The following CSMD1 variants were observed in gnomAD, a reference collection of about 807,000 sequenced individuals.
CSMD1 encodes the protein CUB and sushi domain-containing protein 1.
In CSMD1, 213 loss-of-function variants were observed where a neutral mutation model predicts 417.5. The observed-to-expected ratio is 0.51, with a 90% CI of 0.46 to 0.57. The LOEUF (loss-of-function observed/expected upper bound fraction) is 0.57. Among genes scored for constraint, CSMD1 ranks in the 20% least tolerant of loss-of-function variants. CSMD1 has a pLI of 0.00. For missense variants in CSMD1, 6,923 were observed against 4,529.7 expected, an observed-to-expected ratio of 1.53 and a Z score of -15.17; for synonymous variants, 2,862 against 1,736.8, an observed-to-expected ratio of 1.65 and a Z score of -16.11.
intron 3 of CSMD1, among the ~76,000 whole-genome samples, chr8:4,355,752 GCT>G (rs1305008637): frequency 4.6e-5 from 7 of 152,148 alleles, no homozygotes; most frequent in African/African-American, 9.7e-5. Context: ...CCTGCATGAA[GCT>G]CTGTTTCTCC....
intron 5 of CSMD1, among the ~76,000 whole-genome samples, chr8:3,981,438 C>G (rs192508173): frequency 2.0e-5 from 3 of 148,008 alleles, no homozygotes; most frequent in Admixed American, 1.4e-4. Flanking sequence ...CACAAATCAC[C>G]GCTAAAGAAC....
At chr8:2,938,888 C>T (rs970325093) in intron 69 of CSMD1, 144 bp from the exon 70 acceptor site, 1 of 626,706 alleles carries the variant, frequency 1.6e-6, no homozygotes. Flanking sequence ...TCCACACCTG[C>T]ACACCTGTCA....
intron 1 of CSMD1, 24 bp downstream of exon 1, chr8:4,994,308 C>A: frequency 6.2e-7 from 1 of 1,603,628 alleles, no homozygotes; most frequent in Non-Finnish European, 8.5e-7. Flanking sequence ...ACCGCCTCCC[C>A]GGCCAGGAGC....
At chr8:3,109,502 A>G (rs1332278327) in intron 43 of CSMD1, among the ~76,000 whole-genome samples, 1 of 152,114 alleles carries the variant, frequency 6.6e-6, no homozygotes, top group Non-Finnish European at 1.5e-5. Flanking sequence ...CCACAACCTC[A>G]AAGCCAGTCT....
Position 4,785,478 on chromosome 8 carries a change from A to G in CSMD1, c.86-147920T>C, listed in dbSNP as rs896141833. Among the ~76,000 whole-genome samples, 10 of 152,240 alleles carry G rather than the reference A, an allele frequency of 6.6e-5. 1 individual carries two copies. Among genetic ancestry groups the G allele is most frequent in the Admixed American group, 2.6e-4 (4 of 15,288 alleles). On this transcript the variant is annotated intron_variant, in intron 1 of 69. Coordinates refer to ENST00000635120, the MANE Select transcript of CSMD1 (RefSeq NM_033225.6). Reference sequence around the variant, plus strand: ...AGCCCTTTGCTAAGCTTTGGACCTCAAGACCAGCAGAGACTTAGAAAGCTG... The same window carrying G: ...AGCCCTTTGCTAAGCTTTGGACCTCGAGACCAGCAGAGACTTAGAAAGCTG...
intron 3 of CSMD1, among the ~76,000 whole-genome samples, chr8:4,179,688 G>C (rs1412792081): frequency 6.6e-6 from 1 of 152,022 alleles, no homozygotes; most frequent in African/African-American, 2.4e-5. Flanking sequence ...ATCTGACAAA[G>C]GGCTAATATC....
At chr8:3,285,468 C>G (rs1283719506) in intron 25 of CSMD1, among the ~76,000 whole-genome samples, 4 of 151,596 alleles carry the variant, frequency 2.6e-5, no homozygotes, top group Admixed American at 2.6e-4. Context: ...CTCACTGCAA[C>G]CTCTACTTCC....
chr8:3,359,822 A>G (rs1414595280), intron 20 of CSMD1, among the ~76,000 whole-genome samples: 1 of 152,192 alleles, frequency 6.6e-6, no homozygotes. Context: ...TATGTTTGTC[A>G]CACATTCTAC....
At chr8:4,170,284 T>C (rs1012720468) in intron 3 of CSMD1, among the ~76,000 whole-genome samples, 11 of 151,872 alleles carry the variant, frequency 7.2e-5, no homozygotes, top group African/African-American at 2.7e-4. Context: ...GTAGAGTCTA[T>C]GAATTTAAGC....
intron 3 of CSMD1, among the ~76,000 whole-genome samples, chr8:4,077,378 G>C (rs868403768): frequency 3.1e-4 from 45 of 146,384 alleles, no homozygotes; most frequent in Middle Eastern, 7.6e-3. Context: ...ATCTTTTAAT[G>C]GTTCCTCAGT....
chr8:3,245,941 A>G (rs750212600), intron 26 of CSMD1, among the ~76,000 whole-genome samples: 12 of 152,090 alleles, frequency 7.9e-5, no homozygotes, highest in African/African-American at 2.9e-4. Context: ...CAACAATAAT[A>G]GTGTTTTTAT....
chr8:3,968,270 G>C (rs1812829039), intron 5 of CSMD1, among the ~76,000 whole-genome samples: 1 of 152,000 alleles, frequency 6.6e-6, no homozygotes, highest in South Asian at 2.1e-4. Flanking sequence ...TCCAGGTATA[G>C]GTAGTATGAG....
chr8:4,457,014 A>T (rs1799531721), intron 2 of CSMD1, among the ~76,000 whole-genome samples: 1 of 151,770 alleles, frequency 6.6e-6, no homozygotes, highest in African/African-American at 2.4e-5. Flanking sequence ...AAGAAAAGAA[A>T]ATCAATGTTA....
intron 3 of CSMD1, among the ~76,000 whole-genome samples, chr8:4,345,092 A>G (rs1209192844): frequency 6.6e-5 from 10 of 152,168 alleles, no homozygotes; most frequent in African/African-American, 2.4e-4. Flanking sequence ...AAAGAGGAGA[A>G]ATGATGGGGC....
At chr8:3,220,159 A>AAAAAAAAAG (rs1798117863) in intron 28 of CSMD1, among the ~76,000 whole-genome samples, 1 of 151,928 alleles carries the variant, frequency 6.6e-6, no homozygotes, top group Non-Finnish European at 1.5e-5. Flanking sequence ...TCAAAAAAAA[A>AAAAAAAAAG]AAAAGACTCC....
At chr8:4,298,806 A>G (rs1456537942) in intron 3 of CSMD1, among the ~76,000 whole-genome samples, 1 of 152,098 alleles carries the variant, frequency 6.6e-6, no homozygotes, top group African/African-American at 2.4e-5. Context: ...TTTGTAAAAT[A>G]CATGTACCCT....
intron 3 of CSMD1, among the ~76,000 whole-genome samples, chr8:4,408,277 T>C (rs532773170): frequency 1.3e-5 from 2 of 152,204 alleles, no homozygotes; most frequent in African/African-American, 2.4e-5. Flanking sequence ...GAATATAAGG[T>C]TATATTATGA....
intron 1 of CSMD1, among the ~76,000 whole-genome samples, chr8:4,723,450 G>C (rs1230739005): frequency 1.3e-5 from 2 of 152,136 alleles, no homozygotes; most frequent in Non-Finnish European, 2.9e-5. Context: ...AAATATACCT[G>C]ATACTTATGA....
At chr8:4,543,315 C>T (rs1797482477) in intron 2 of CSMD1, among the ~76,000 whole-genome samples, 1 of 152,134 alleles carries the variant, frequency 6.6e-6, no homozygotes, top group Admixed American at 6.6e-5. Flanking sequence ...CCTTCCTCCA[C>T]CCCCTGGCAA....
Sources: gnomAD v4.1 joint callset for allele counts (sites outside exome capture counted in the v4.1 genomes callset) on GRCh38, gnomAD v4.1.1 for gene constraint, MANE v1.5 for transcripts, NCBI Gene and HGNC (gene_info 2026-07-23, HGNC 2026-07-21) for gene names.